The following FRAS1 variants were observed in gnomAD, a reference collection of about 807,000 sequenced individuals.
FRAS1 encodes Fraser extracellular matrix complex subunit 1.
FRAS1 carries 290 observed loss-of-function variants against 435.2 expected under a neutral mutation model. The observed-to-expected ratio is 0.67, with a 90% CI of 0.61 to 0.73. FRAS1 has a LOEUF of 0.73. Among genes scored for constraint, FRAS1 ranks in the 30% least tolerant of loss-of-function variants. The pLI, the probability that FRAS1 is intolerant of heterozygous loss-of-function variation, is 0.00. For missense variants in FRAS1, 4,860 were observed against 5,001.5 expected (o/e 0.97, Z 0.85); for synonymous variants, 1,800 against 1,851.0 (o/e 0.97, Z 0.71).
At chr4:78,513,028 G>A (rs1721086637) in intron 64 of FRAS1, among the ~76,000 whole-genome samples, 1 of 152,216 alleles carries the variant, frequency 6.6e-6, no homozygotes, top group African/African-American at 2.4e-5. Flanking sequence ...TGACAGAGCA[G>A]GGGAACAGGC....
intron 4 of FRAS1, among the ~76,000 whole-genome samples, chr4:78,249,571 C>T (rs1290719846): frequency 2.0e-5 from 3 of 152,048 alleles, no homozygotes; most frequent in Non-Finnish European, 4.4e-5. Flanking sequence ...GATCCACTCG[C>T]CTTGGCCTCC....
chr4:78,114,317 T>G (rs1232509125), intron 2 of FRAS1, among the ~76,000 whole-genome samples: 1 of 152,132 alleles, frequency 6.6e-6, no homozygotes, highest in East Asian at 1.9e-4. Context: ...TGCAGGCTCT[T>G]TTTTTGGTTC....
At chr4:78,476,427 T>A (rs2109855178) in intron 54 of FRAS1, among the ~76,000 whole-genome samples, 1 of 152,218 alleles carries the variant, frequency 6.6e-6, no homozygotes, top group Non-Finnish European at 1.5e-5. Context: ...CAGGGCCCCA[T>A]GTATTTGTCA....
At chr4:78,077,904 CT>C (rs1740726534) in intron 2 of FRAS1, among the ~76,000 whole-genome samples, 1 of 138,490 alleles carries the variant, frequency 7.2e-6, no homozygotes. Flanking sequence ...CAGCCTTGTT[CT>C]AAAAAAAAAA....
Position 78,250,276 on chromosome 4 carries a change from G to A in FRAS1, c.310-2116G>A, listed in dbSNP as rs904370548. Among the ~76,000 whole-genome samples the A allele has an allele frequency of 6.6e-5, 10 of 152,216 alleles. No homozygotes were observed. The South Asian group carries it at 1.2e-3, about 19-fold the overall frequency. The stretch of plus-strand genomic sequence containing the variant: ...CAGTTTTGGTGGAGGGGTTGGCAGT[G>A]GAGATAGATAATACATACAGATCTA... On this transcript the variant is annotated intron_variant, in intron 4 of 73. Transcript: ENST00000512123.
intron 60 of FRAS1, 32 bp from the exon 61 acceptor site, chr4:78,499,689 T>A (rs755940498): frequency 6.3e-7 from 1 of 1,594,956 alleles, no homozygotes; most frequent in Non-Finnish European, 8.6e-7. Context: ...CTATTCTAAC[T>A]GGCTCTTGTT....
chr4:78,472,592 TTC>T (rs1719742729), intron 52 of FRAS1, among the ~76,000 whole-genome samples: 1 of 152,190 alleles, frequency 6.6e-6, no homozygotes, highest in African/African-American at 2.4e-5. Context: ...TGGCCAGGTT[TTC>T]TGGAAAAGAA....
At position 78,451,882 on chromosome 4, in the gene FRAS1, A is replaced by G; in HGVS notation, c.6574A>G (p.Ser2192Gly). The G allele has an allele frequency of 6.2e-7, 1 of 1,612,010 alleles. No homozygotes were observed. Among genetic ancestry groups the G allele is most frequent in the Non-Finnish European group, 8.5e-7 (1 of 1,179,122 alleles). ...ATTGATTGACAAGTCATTTTCCATC[A>G]GCATTCTAGGTAAAGAGACATTTGA... ...NRLIDKSFSISILEDKSPPVI... is the reference protein window; with the variant it reads ...NRLIDKSFSIGILEDKSPPVI... The change falls in exon 46 of 74, where the codon AGC becomes GGC. Residue 2192 changes from serine (S) to glycine (G), a missense_variant. Physicochemically the swap from Ser to Gly is moderately conservative, Grantham distance 56. Coordinates refer to ENST00000512123, the MANE Select transcript of FRAS1 (RefSeq NM_025074.7).
intron 72 of FRAS1, 92 bp downstream of exon 72, chr4:78,537,292 T>C: frequency 4.3e-6 from 5 of 1,175,346 alleles, no homozygotes; most frequent in Non-Finnish European, 6.0e-6. Flanking sequence ...TAGAGCTCAC[T>C]CTTGATATTT....
intron 2 of FRAS1, among the ~76,000 whole-genome samples, chr4:78,212,719 G>T (rs1389143834): frequency 1.3e-5 from 2 of 152,284 alleles, no homozygotes; most frequent in East Asian, 3.9e-4. Context: ...ATGAGTACTT[G>T]AATTCACTGA....
chr4:78,482,313 A>C, intron 57 of FRAS1, 75 bp from the exon 58 acceptor site: 1 of 1,535,220 alleles, frequency 6.5e-7, no homozygotes, highest in Non-Finnish European at 9.0e-7. Context: ...GCAAGTTGTG[A>C]CCTTTGCCCT....
intron 2 of FRAS1, among the ~76,000 whole-genome samples, chr4:78,152,887 A>G (rs1162838279): frequency 6.6e-6 from 1 of 152,050 alleles, no homozygotes; most frequent in Admixed American, 6.6e-5. Flanking sequence ...AATCGGTCTC[A>G]TTACCTGCAG....
chr4:78,257,632 C>T (rs1725853930), intron 6 of FRAS1, among the ~76,000 whole-genome samples: 1 of 152,156 alleles, frequency 6.6e-6, no homozygotes, highest in Non-Finnish European at 1.5e-5. Flanking sequence ...GGAAAACAAT[C>T]ACCCATATTT....
chr4:78,464,515 C>G lies in FRAS1; in HGVS notation c.6961C>G (p.Arg2321Gly), dbSNP rs757956184. The change falls in exon 49 of 74, where the codon CGG becomes GGG. Residue 2321 changes from arginine to glycine, a missense_variant. Coordinates refer to ENST00000512123, the MANE Select transcript of FRAS1 (RefSeq NM_025074.7). ...GCCCGTCGTACAGAACTTAGGAATG[C>G]GGGTGCAGGAGGGCATGAGGAAGAC... ...SLPVVQNLGM[R>G]VQEGMRKTIT... The G allele has an allele frequency of 6.2e-7, 1 of 1,613,896 alleles. No homozygotes were observed. Among genetic ancestry groups the G allele is most frequent in the Non-Finnish European group, 8.5e-7 (1 of 1,179,828 alleles).
Position 78,245,275 on chromosome 4 carries a change from T to A in FRAS1, c.259T>A (p.Cys87Ser), listed in dbSNP as rs367543488. The A allele has an allele frequency of 1.2e-5, 20 of 1,609,514 alleles. No individual in the cohort carries two copies. The highest frequency in any genetic ancestry group is 1.5e-5 in the Non-Finnish European group (18 of 1,178,088). Residue 87 changes from cysteine to serine, a missense_variant, in exon 4 of 74, where the codon TGT becomes AGT. Coordinates refer to ENST00000512123, the MANE Select transcript of FRAS1 (RefSeq NM_025074.7). ...QIAANQCCPE[C>S]VLRTPGSCHH... ...AGCTGCCAACCAATGCTGTCCTGAGTGTGTTTTGAGGACTCCAGGATCTTG... is the reference window on the plus strand; with the variant it reads ...AGCTGCCAACCAATGCTGTCCTGAGAGTGTTTTGAGGACTCCAGGATCTTG...
In FRAS1 at chr4:78,477,966, A is replaced by G. The variant is rs1302089036; in HGVS notation, c.8003A>G (p.Asn2668Ser). ...GEFTQAKVIINDTEDEPTLEF... is the reference protein window; with the variant it reads ...GEFTQAKVIISDTEDEPTLEF... ...TTCACCCAGGCGAAGGTCATTATCA[A>G]CGATACCGAGGATGAACCCACATTA... Residue 2668 changes from asparagine (N) to serine (S), a missense_variant, in exon 55 of 74, where the codon AAC becomes AGC. By Grantham distance (46) the Asn-to-Ser change is conservative. Transcript: ENST00000512123. 6 of 1,613,044 alleles carry G rather than the reference A, an allele frequency of 3.7e-6. No homozygotes were observed. Among genetic ancestry groups the G allele is most frequent in the Non-Finnish European group, 4.2e-6 (5 of 1,179,630 alleles).
intron 2 of FRAS1, among the ~76,000 whole-genome samples, chr4:78,200,145 TGGATCTG>T (rs1722989290): frequency 5.3e-5 from 8 of 152,230 alleles, no homozygotes; most frequent in Admixed American, 2.0e-4. Context: ...TGGAGTCATG[TGGATCTG>T]ATACTGGATG....
intron 2 of FRAS1, among the ~76,000 whole-genome samples, chr4:78,177,503 G>T (rs1039830131): frequency 2.0e-5 from 3 of 152,118 alleles, no homozygotes; most frequent in African/African-American, 7.2e-5. Context: ...TTCTCTTGTT[G>T]TACCTGTTCA....
chr4:78,146,166 C>T (rs1454067240), intron 2 of FRAS1, among the ~76,000 whole-genome samples: 1 of 152,080 alleles, frequency 6.6e-6, no homozygotes, highest in Non-Finnish European at 1.5e-5. Flanking sequence ...GAATAATGTA[C>T]AGAGTCTTAA....
Sources: allele counts gnomAD v4.1 joint callset (sites outside exome capture counted in the v4.1 genomes callset), GRCh38; gene constraint gnomAD v4.1.1; transcripts MANE v1.5; gene names NCBI Gene and HGNC (gene_info 2026-07-23, HGNC 2026-07-21).